The following GOSR2 variants were observed in gnomAD, a reference collection of about 807,000 sequenced individuals.
GOSR2 encodes 27 kDa Golgi SNARE protein.
In GOSR2, 20 loss-of-function variants were observed where a neutral mutation model predicts 27.9. The observed-to-expected ratio is 0.72, with a 90% CI of 0.50 to 1.04. GOSR2 has a LOEUF of 1.04. Among genes scored for constraint, GOSR2 ranks in the 50% least tolerant of loss-of-function variants. The pLI is 0.00. For synonymous variants in GOSR2, 91 were observed against 98.8 expected, an observed-to-expected ratio of 0.92 and a Z score of 0.47; for missense variants, 261 against 270.5, an observed-to-expected ratio of 0.97 and a Z score of 0.25.
Position 46,923,186 on chromosome 17 carries a change from C to T in GOSR2, c.-7C>T, listed in dbSNP as rs760018200. The T allele has an allele frequency of 1.9e-5, 30 of 1,540,212 alleles. No individual in the cohort carries two copies. Among genetic ancestry groups the T allele is most frequent in the Admixed American group, 5.9e-5 (3 of 50,978 alleles). Reference sequence around the variant, plus strand: ...GAGCCGGAGCCGTGGCCTGCGGGGCCGGCGACATGGATCCCCTGTTCCAGC... The same window carrying T: ...GAGCCGGAGCCGTGGCCTGCGGGGCTGGCGACATGGATCCCCTGTTCCAGC... On this transcript the variant is annotated 5_prime_UTR_variant, in exon 1 of 6. Transcript: ENST00000640051.
intron 2 of GOSR2, chr17:46,930,809 C>A: frequency 2.8e-6 from 1 of 358,152 alleles, no homozygotes. Context: ...ACAACCTTTG[C>A]ATGTTTATTT....
chr17:46,933,827 G>A (rs1450275997), intron 4 of GOSR2, among the ~76,000 whole-genome samples: 1 of 151,892 alleles, frequency 6.6e-6, no homozygotes, highest in African/African-American at 2.4e-5. Context: ...AGCCGGGCGT[G>A]GTGGCGTGAG....
rs1482484484 is a variant in GOSR2, at chr17:46,938,848, T to C, written c.*88T>C. Reference sequence around the variant, plus strand: ...GAGAGAGGGGGGCCCAGAGGCCGCCTTTTGAAATGTTTGCCTGTCTGAACT... The same window carrying C: ...GAGAGAGGGGGGCCCAGAGGCCGCCCTTTGAAATGTTTGCCTGTCTGAACT... On this transcript the variant is annotated 3_prime_UTR_variant, in exon 6 of 6. Transcript: ENST00000640051. The C allele has an allele frequency of 1.9e-6, 3 of 1,596,752 alleles. No homozygotes were observed. The highest frequency in any genetic ancestry group is 2.6e-6 in the Non-Finnish European group (3 of 1,174,212).
At chr17:46,931,938 G>A (rs2087454107) in intron 3 of GOSR2, 129 bp from the exon 4 acceptor site, 3 of 801,402 alleles carry the variant, frequency 3.7e-6, no homozygotes, top group South Asian at 2.7e-5. Context: ...CTTGTGGTGA[G>A]GGGGTATAGT....
At position 46,941,962 on chromosome 17, in the gene GOSR2, A is replaced by C; in HGVS notation, c.*3202A>C. ...AAGCTTCTGTCTCAAAGATGATCAC[A>C]TTGGTGTAAAGAGCAAAACTTGTTA... On this transcript the variant is annotated 3_prime_UTR_variant, in exon 6 of 6. Coordinates refer to ENST00000640051, the MANE Select transcript of GOSR2 (RefSeq NM_004287.5). 1 of 985,202 alleles carries C rather than the reference A, an allele frequency of 1.0e-6. No individual in the cohort carries two copies. Among genetic ancestry groups the C allele is most frequent in the Non-Finnish European group, 1.2e-6 (1 of 829,744 alleles). 61.0% of individuals were successfully genotyped at this position (985,202 alleles called of 1,614,324 possible).
At chr17:46,948,602 A>C (rs1026715141) in intron 6 of GOSR2, 1 of 152,250 alleles carries the variant, frequency 6.6e-6, no homozygotes, top group East Asian at 1.9e-4. Flanking sequence ...GAATGCTAAT[A>C]ATGGCCTACT....
downstream of GOSR2, chr17:46,967,043 G>A: frequency 5.1e-6 from 1 of 194,694 alleles, no homozygotes. Context: ...TCCAACAAAG[G>A]TTTGTGGCCT....
chr17:46,940,126 T>A lies in GOSR2; in HGVS notation c.*1366T>A. The A allele has an allele frequency of 8.1e-7, 1 of 1,237,210 alleles. No individual in the cohort carries two copies. The allele number at this position is 1,237,210 out of a possible 1,614,324, so 76.6% of individuals were successfully genotyped here. A position where few individuals can be genotyped will look rare whatever the true frequency, so the allele number is the denominator to read the frequency against. ...TCTGTGTTCCTCTTCACCTCTCTTG[T>A]TCCCCTCCCCGCTGCTCTGTAGTCA... On this transcript the variant is annotated 3_prime_UTR_variant, in exon 6 of 6. Transcript: ENST00000640051.
rs2090203303 is a variant in GOSR2 at position 46,949,919 on chromosome 17, G to T, written c.583+11215G>T. On this transcript the variant is annotated intron_variant, in intron 6 of 6. Coordinates refer to the GOSR2 transcript ENST00000573224. ...GAGGTAAGTTGAGGCCAGACGCGGG[G>T]TGCCTAAGAGCAGACTCATTAGTCC... Among the ~76,000 whole-genome samples the T allele has an allele frequency of 2.0e-5, 3 of 152,202 alleles. No homozygotes were observed. The South Asian group carries it at 6.2e-4, about 32-fold the overall frequency.
At chr17:46,943,070 G>C (rs1383369258), downstream of GOSR2, among the ~76,000 whole-genome samples, 2 of 152,194 alleles carry the variant, frequency 1.3e-5, no homozygotes, top group African/African-American at 2.4e-5. Flanking sequence ...GGGGCATTGG[G>C]AGTTGCCCAA....
At chr17:46,964,203 CAT>C (rs767496767) in intron 6 of GOSR2, 3 of 152,196 alleles carry the variant, frequency 2.0e-5, no homozygotes, top group African/African-American at 4.8e-5. Context: ...CAGTTTCACA[CAT>C]GAGAAAATTG....
intron 6 of GOSR2, chr17:46,963,793 G>A (rs1344257091): frequency 1.3e-5 from 2 of 152,174 alleles, no homozygotes; most frequent in Non-Finnish European, 2.9e-5. Flanking sequence ...GGGACTGGCT[G>A]AATTCTCTTT....
chr17:46,934,925 C>T (rs1179401362), intron 4 of GOSR2, 104 bp from the exon 5 acceptor site: 3 of 988,868 alleles, frequency 3.0e-6, no homozygotes, highest in Non-Finnish European at 4.9e-6. Flanking sequence ...TTTCACCAGC[C>T]CCTCCGGCTG....
intron 6 of GOSR2, among the ~76,000 whole-genome samples, chr17:46,974,223 G>A (rs1473924279): frequency 2.0e-5 from 3 of 152,256 alleles, no homozygotes; most frequent in South Asian, 4.1e-4. Flanking sequence ...GCAAGTGCCA[G>A]GGTTTCTGGG....
chr17:46,971,590 TTTCA>T (rs1373221538), downstream of GOSR2, among the ~76,000 whole-genome samples: 2 of 152,084 alleles, frequency 1.3e-5, no homozygotes, highest in African/African-American at 4.8e-5. Context: ...TGTAGGAGCT[TTTCA>T]TGCACTTTCT....
intron 1 of GOSR2, among the ~76,000 whole-genome samples, chr17:46,925,601 G>A (rs1598926010): frequency 1.3e-5 from 2 of 152,328 alleles, no homozygotes; most frequent in East Asian, 3.9e-4. Context: ...CAGAACTGAT[G>A]ACTGAATGAC....
chr17:46,960,661 A>G (rs923737191), intron 6 of GOSR2, among the ~76,000 whole-genome samples: 3 of 152,260 alleles, frequency 2.0e-5, no homozygotes, highest in African/African-American at 7.2e-5. Context: ...CATCCATCCA[A>G]TGGAATATTA....
chr17:46,928,137 C>T (rs1161493952), intron 1 of GOSR2, among the ~76,000 whole-genome samples: 1 of 152,090 alleles, frequency 6.6e-6, no homozygotes, highest in Admixed American at 6.6e-5. Flanking sequence ...GGCCTGGTCT[C>T]GGACTCTAGC....
chr17:46,973,447 G>A lies in GOSR2; in HGVS notation c.616-1752G>A, dbSNP rs540508033. Reference sequence around the variant, plus strand: ...CAAATTACTGGGATTACAGGGATGAGCCACCACACCTAGCCTCTGTTGCTT... The same window carrying A: ...CAAATTACTGGGATTACAGGGATGAACCACCACACCTAGCCTCTGTTGCTT... On this transcript the variant is annotated intron_variant, in intron 6 of 6. Coordinates refer to the GOSR2 transcript ENST00000640723. Among the ~76,000 whole-genome samples the A allele has an allele frequency of 7.9e-5, 12 of 152,240 alleles. No homozygotes were observed. In the South Asian group the frequency reaches 1.7e-3, roughly 21 times the overall value.
Sources: gnomAD v4.1 joint callset for allele counts (sites outside exome capture counted in the v4.1 genomes callset) on GRCh38, gnomAD v4.1.1 for gene constraint, MANE v1.5 for transcripts, NCBI Gene and HGNC (gene_info 2026-07-23, HGNC 2026-07-21) for gene names.